Variants in FSTL5 observed in about 807,000 individuals in gnomAD.
The protein encoded by FSTL5 is follistatin-related protein 5.
Under a neutral mutation model 89.1 loss-of-function variants are expected in FSTL5, and 62 were observed. The ratio of observed to expected loss-of-function variants is 0.70; its 90% CI spans 0.57 to 0.86. FSTL5 has a LOEUF of 0.86. Ranked by LOEUF, FSTL5 falls within the 40% of genes least tolerant of loss-of-function variation. The pLI is 0.00. For synonymous variants in FSTL5, 383 were observed against 346.2 expected (o/e 1.11, Z -1.18); for missense variants, 1,057 against 1,001.6 (o/e 1.06, Z -0.75).
intron 7 of FSTL5, among the ~76,000 whole-genome samples, chr4:161,598,868 A>T (rs1018891455): frequency 6.6e-5 from 10 of 152,134 alleles, no homozygotes; most frequent in African/African-American, 2.4e-4. Flanking sequence ...AAAAGACAGA[A>T]CTTTAAATCT....
At chr4:161,921,149 T>C (rs1350430828) in intron 3 of FSTL5, among the ~76,000 whole-genome samples, 2 of 152,110 alleles carry the variant, frequency 1.3e-5, no homozygotes, top group African/African-American at 2.4e-5. Context: ...AACAGAATTG[T>C]AGATAGGAGA....
At chr4:161,676,846 T>G (rs983399737) in intron 6 of FSTL5, among the ~76,000 whole-genome samples, 1 of 151,900 alleles carries the variant, frequency 6.6e-6, no homozygotes, top group African/African-American at 2.4e-5. Context: ...TTTCAGGTTT[T>G]CCAAGAATAT....
intron 4 of FSTL5, among the ~76,000 whole-genome samples, chr4:161,785,020 T>C (rs1741847081): frequency 6.6e-6 from 1 of 152,212 alleles, no homozygotes; most frequent in African/African-American, 2.4e-5. Flanking sequence ...TGTTGTGTTT[T>C]ACAGATTTTA....
chr4:161,779,957 T>A (rs185252358), intron 4 of FSTL5, among the ~76,000 whole-genome samples: 209 of 147,822 alleles, frequency 1.4e-3, no homozygotes, highest in African/African-American at 4.9e-3. Context: ...TTAGAATGTA[T>A]TGAATAGAAA....
intron 7 of FSTL5, among the ~76,000 whole-genome samples, chr4:161,614,016 G>A (rs1393086827): frequency 2.0e-5 from 3 of 151,930 alleles, no homozygotes; most frequent in Non-Finnish European, 4.4e-5. Context: ...ATTTCTGAGG[G>A]TTTAAATAAT....
At chr4:162,003,864 T>A (rs531939205) in intron 3 of FSTL5, among the ~76,000 whole-genome samples, 1 of 152,262 alleles carries the variant, frequency 6.6e-6, no homozygotes, top group East Asian at 1.9e-4. Context: ...TCCTCACAAA[T>A]AATATAGATA....
At chr4:161,541,630 T>C (rs892891570) in intron 9 of FSTL5, among the ~76,000 whole-genome samples, 1 of 152,008 alleles carries the variant, frequency 6.6e-6, no homozygotes, top group African/African-American at 2.4e-5. Context: ...AAAAGTTTTA[T>C]TTAAAAATGT....
chr4:161,892,743 A>G (rs1733028407), intron 4 of FSTL5, among the ~76,000 whole-genome samples: 1 of 152,204 alleles, frequency 6.6e-6, no homozygotes. Context: ...AATGCCTCTG[A>G]ATATCATTAT....
At chr4:161,993,226 A>G (rs1736189624) in intron 3 of FSTL5, among the ~76,000 whole-genome samples, 1 of 151,768 alleles carries the variant, frequency 6.6e-6, no homozygotes, top group Non-Finnish European at 1.5e-5. Context: ...ATCTAACTAA[A>G]CTCATTTTCA....
At chr4:161,891,050 G>C (rs1732973042) in intron 4 of FSTL5, among the ~76,000 whole-genome samples, 1 of 145,154 alleles carries the variant, frequency 6.9e-6, no homozygotes, top group Non-Finnish European at 1.5e-5. Context: ...AAATTCTATA[G>C]TTCTCGAATT....
chr4:161,565,071 G>A (rs1578929163), intron 8 of FSTL5, among the ~76,000 whole-genome samples: 1 of 151,776 alleles, frequency 6.6e-6, no homozygotes, highest in East Asian at 1.9e-4. Flanking sequence ...TTATCCTCTG[G>A]CAAAGTTTAC....
At chr4:161,517,122 C>T (rs939972762) in intron 10 of FSTL5, among the ~76,000 whole-genome samples, 1 of 152,118 alleles carries the variant, frequency 6.6e-6, no homozygotes, top group African/African-American at 2.4e-5. Flanking sequence ...CTCTTGACCT[C>T]AGGTAATCTG....
At chr4:161,966,259 C>T (rs563400934) in intron 3 of FSTL5, among the ~76,000 whole-genome samples, 19 of 152,078 alleles carry the variant, frequency 1.2e-4, no homozygotes, top group Admixed American at 1.1e-3. Context: ...CAATTGCAGA[C>T]CACCCATCCT....
At chr4:161,709,446 A>T (rs1457888665) in intron 6 of FSTL5, among the ~76,000 whole-genome samples, 1 of 152,174 alleles carries the variant, frequency 6.6e-6, no homozygotes, top group Non-Finnish European at 1.5e-5. Context: ...TAAAAAATCA[A>T]CTGAGAGATA....
chr4:161,755,568 G>A (rs1239981134), intron 6 of FSTL5, among the ~76,000 whole-genome samples: 1 of 151,918 alleles, frequency 6.6e-6, no homozygotes, highest in Non-Finnish European at 1.5e-5. Flanking sequence ...TATCCCTCTG[G>A]ATATTCACTT....
intron 8 of FSTL5, among the ~76,000 whole-genome samples, chr4:161,570,974 C>T (rs532372031): frequency 5.9e-4 from 90 of 151,874 alleles, no homozygotes; most frequent in African/African-American, 2.0e-3. Flanking sequence ...ATTAGCCAGG[C>T]GTGGTGGTGG....
At chr4:161,556,732 A>G (rs1276858835) in intron 8 of FSTL5, among the ~76,000 whole-genome samples, 2 of 151,158 alleles carry the variant, frequency 1.3e-5, no homozygotes, top group Non-Finnish European at 3.0e-5. Flanking sequence ...TAATATATGT[A>G]AAAAAGCAAA....
At chr4:161,391,467 C>A (rs1404405312) in intron 15 of FSTL5, among the ~76,000 whole-genome samples, 1 of 152,102 alleles carries the variant, frequency 6.6e-6, no homozygotes, top group African/African-American at 2.4e-5. Flanking sequence ...ATGACATCTT[C>A]CATTATGTTA....
At position 161,726,465 on chromosome 4, in the gene FSTL5, T is replaced by C. The variant is rs1281396163; in HGVS notation, c.727+32946A>G. Among the ~76,000 whole-genome samples, 4 of 152,066 alleles carry C rather than the reference T, an allele frequency of 2.6e-5. No homozygotes were observed. The East Asian group carries it at 7.8e-4, about 30-fold the overall frequency. On this transcript the variant is annotated intron_variant, in intron 6 of 15. Transcript: ENST00000306100. ...CTGGTCTGGAACTCCTGACCTCAAGTGGTCCGCCCACCTCGGCCTCCCAAA... is the reference window on the plus strand; with the variant it reads ...CTGGTCTGGAACTCCTGACCTCAAGCGGTCCGCCCACCTCGGCCTCCCAAA...
Sources: gnomAD v4.1 joint callset for allele counts (sites outside exome capture counted in the v4.1 genomes callset) on GRCh38, gnomAD v4.1.1 for gene constraint, MANE v1.5 for transcripts, NCBI Gene and HGNC (gene_info 2026-07-23, HGNC 2026-07-21) for gene names.